The following ARHGEF37 variants were observed in gnomAD, a reference collection of about 807,000 sequenced individuals.
ARHGEF37 encodes the protein Rho guanine nucleotide exchange factor 37.
A neutral mutation model predicts 71.1 loss-of-function variants in ARHGEF37; 55 were observed. The observed-to-expected ratio is 0.77, with a 90% confidence interval of 0.62 to 0.97. The LOEUF (loss-of-function observed/expected upper bound fraction) is 0.97, where lower values mean the gene tolerates loss of function less well. Among genes scored for constraint, ARHGEF37 ranks in the 50% least tolerant of loss-of-function variants. ARHGEF37 has a pLI of 0.00. For missense variants in ARHGEF37, 765 were observed against 836.8 expected (o/e 0.91, Z 1.06); for synonymous variants, 327 against 350.6 (o/e 0.93, Z 0.75).
intron 4 of ARHGEF37, among the ~76,000 whole-genome samples, chr5:149,612,458 C>T (rs569292862): frequency 2.0e-5 from 3 of 152,308 alleles, no homozygotes; most frequent in South Asian, 2.1e-4. Context: ...TGAGCCATGG[C>T]GCCTGGCCTA....
At chr5:149,594,792 C>T (rs932026226) in intron 1 of ARHGEF37, among the ~76,000 whole-genome samples, 1 of 152,096 alleles carries the variant, frequency 6.6e-6, no homozygotes, top group East Asian at 1.9e-4. Context: ...CAACAAATAC[C>T]CACGTACTTA....
At chr5:149,562,287 A>T (rs1486716469) in intron 1 of ARHGEF37, among the ~76,000 whole-genome samples, 4 of 152,150 alleles carry the variant, frequency 2.6e-5, no homozygotes, top group African/African-American at 9.7e-5. Flanking sequence ...GTTTGTATTT[A>T]TATGGCACTG....
chr5:149,589,323 T>TTATTA (rs1763329450), intron 1 of ARHGEF37, among the ~76,000 whole-genome samples: 2 of 151,450 alleles, frequency 1.3e-5, no homozygotes, highest in African/African-American at 4.8e-5. Flanking sequence ...CATAATGTTT[T>TTATTA]ATTAATTAAT....
chr5:149,565,930 A>G (rs1580882020), intron 1 of ARHGEF37, among the ~76,000 whole-genome samples: 1 of 140,590 alleles, frequency 7.1e-6, no homozygotes, highest in Non-Finnish European at 1.5e-5. Flanking sequence ...GCTCACTGCA[A>G]CCTCCGCCTC....
chr5:149,619,048 G>A lies in ARHGEF37; in HGVS notation c.894+6G>A. 1 of 1,609,566 alleles carries A rather than the reference G, an allele frequency of 6.2e-7. No homozygotes were observed. The highest frequency in any genetic ancestry group is 8.5e-7 in the Non-Finnish European group (1 of 1,175,786). On this transcript the variant is annotated splice_donor_region_variant and intron_variant, in intron 7 of 12. Coordinates refer to ENST00000333677, the MANE Select transcript of ARHGEF37 (RefSeq NM_001001669.3). ...CTTACCTGGACAATCTGCAGGTGAG[G>A]ACACTGCAGGGTTCATAAAGGGCGA...
At chr5:149,578,009 C>T (rs1763045073), upstream of ARHGEF37, among the ~76,000 whole-genome samples, 2 of 152,236 alleles carry the variant, frequency 1.3e-5, no homozygotes, top group African/African-American at 2.4e-5. Flanking sequence ...ATCCAGTCCC[C>T]AGGACCAGAG....
At position 149,631,974 on chromosome 5, in the gene ARHGEF37, T is replaced by G. The variant is rs780416665; in HGVS notation, c.1819-8T>G. On this transcript the variant is annotated splice_region_variant and splice_polypyrimidine_tract_variant and intron_variant, in intron 12 of 12. Transcript: ENST00000333677. ...GACCATTTCTGTGTCACTCCCCATG[T>G]GTTTCAGGTCATAGCCGCGTACCCT... The G allele has an allele frequency of 2.5e-6, 4 of 1,613,806 alleles. No homozygotes were observed. Among genetic ancestry groups the G allele is most frequent in the Admixed American group, 1.7e-5 (1 of 60,012 alleles).
intron 1 of ARHGEF37, among the ~76,000 whole-genome samples, chr5:149,597,188 A>G (rs1215333659): frequency 1.3e-5 from 2 of 152,254 alleles, no homozygotes; most frequent in East Asian, 1.9e-4. Flanking sequence ...TGGATTGGAA[A>G]TAGAAGAAAA....
chr5:149,597,448 G>C (rs537093594), intron 1 of ARHGEF37, among the ~76,000 whole-genome samples: 1 of 151,954 alleles, frequency 6.6e-6, no homozygotes, highest in South Asian at 2.1e-4. Flanking sequence ...TAGTAGAGAC[G>C]GGGTTTCATC....
chr5:149,601,272 A>ATGG, intron 3 of ARHGEF37, 41 bp downstream of exon 3: 6 of 1,593,020 alleles, frequency 3.8e-6, no homozygotes, highest in Admixed American at 1.7e-5. Context: ...TTAGATTCTC[A>ATGG]TGGAACTGTT....
rs182081394 is a variant in ARHGEF37 at position 149,590,572 on chromosome 5, G to A, written c.-11-7187G>A. 3.5e-3 allele frequency among the ~76,000 whole-genome samples: 521 copies of A among 148,380 alleles called. 6 individuals are homozygous for A. The highest frequency in any genetic ancestry group is 1.7e-3 in the Non-Finnish European group (112 of 67,482). ...TGGGATTACAGGTGTGAGCCACCGC[G>A]TCTGGCCTGGCTATTTTATTCTTTT... On this transcript the variant is annotated intron_variant, in intron 1 of 12. Coordinates refer to ENST00000333677, the MANE Select transcript of ARHGEF37 (RefSeq NM_001001669.3).
chr5:149,631,944 ACCC>A (rs775905155), intron 12 of ARHGEF37, 35 bp from the exon 13 acceptor site: 1 of 1,604,936 alleles, frequency 6.2e-7, no homozygotes, highest in Admixed American at 1.7e-5. Flanking sequence ...CTACCTTCTC[ACCC>A]TGACCATTTC....
chr5:149,563,030 CCA>C (rs1228254060), intron 1 of ARHGEF37, among the ~76,000 whole-genome samples: 1 of 152,160 alleles, frequency 6.6e-6, no homozygotes, highest in South Asian at 2.1e-4. Flanking sequence ...GCCTGAATTC[CCA>C]CAGTTTTGAG....
chr5:149,555,954 T>C (rs1200577336), intron 1 of ARHGEF37, among the ~76,000 whole-genome samples: 1 of 152,106 alleles, frequency 6.6e-6, no homozygotes, highest in East Asian at 1.9e-4. Flanking sequence ...ACCACATCAC[T>C]ACAAAAATGT....
At chr5:149,556,819 A>C (rs1330088064) in intron 1 of ARHGEF37, among the ~76,000 whole-genome samples, 2 of 152,200 alleles carry the variant, frequency 1.3e-5, no homozygotes, top group Non-Finnish European at 2.9e-5. Flanking sequence ...CACCAGTGTC[A>C]GGTGTTGTTT....
chr5:149,608,181 G>T (rs1763970201), intron 3 of ARHGEF37, among the ~76,000 whole-genome samples: 1 of 152,136 alleles, frequency 6.6e-6, no homozygotes, highest in Non-Finnish European at 1.5e-5. Context: ...TCACTTCTGT[G>T]GATCTTCAGT....
chr5:149,552,673 A>C (rs1277840310), intron 1 of ARHGEF37, among the ~76,000 whole-genome samples: 1 of 152,132 alleles, frequency 6.6e-6, no homozygotes, highest in Non-Finnish European at 1.5e-5. Context: ...CCCCGTATCT[A>C]CTAAAAATAC....
chr5:149,620,224 G>A (rs1752498814), intron 7 of ARHGEF37, 130 bp from the exon 8 acceptor site: 1 of 600,984 alleles, frequency 1.7e-6, no homozygotes. Flanking sequence ...AGAATCAGCT[G>A]TGTGTGTCCC....
intron 1 of ARHGEF37, among the ~76,000 whole-genome samples, chr5:149,564,127 AT>A (rs1264025132): frequency 6.6e-6 from 1 of 151,584 alleles, no homozygotes; most frequent in Non-Finnish European, 1.5e-5. Flanking sequence ...TAATTTTTAT[AT>A]TTTTAGTAGA....
Sources: gnomAD v4.1 joint callset for allele counts (sites outside exome capture counted in the v4.1 genomes callset) on GRCh38, gnomAD v4.1.1 for gene constraint, MANE v1.5 for transcripts, NCBI Gene and HGNC (gene_info 2026-07-23, HGNC 2026-07-21) for gene names.